SLC17A1: variants seen among roughly 807,000 people sequenced by gnomAD.
SLC17A1 encodes sodium-dependent phosphate transport protein 1.
SLC17A1 carries 51 observed loss-of-function variants against 53.5 expected under a neutral mutation model. The ratio of observed to expected loss-of-function variants is 0.95; its 90% CI spans 0.76 to 1.20. SLC17A1 has a LOEUF of 1.20. SLC17A1 is among the 50% of genes most tolerant of loss of function. The probability of loss-of-function intolerance (pLI) is 0.00; values close to 1 mark genes in which losing one functional copy is unlikely to be tolerated. For missense variants in SLC17A1, 538 were observed against 568.2 expected, an observed-to-expected ratio of 0.95 and a Z score of 0.54; for synonymous variants, 179 against 198.8, an observed-to-expected ratio of 0.90 and a Z score of 0.84.
chr6:25,772,303 A>G, the SLC17A1 span, among the ~76,000 whole-genome samples: 2 of 152,112 alleles, frequency 1.3e-5, no homozygotes, highest in Non-Finnish European at 2.9e-5. Flanking sequence ...TCCAACCCCA[A>G]TGTGCAACAT....
the SLC17A1 span, chr6:25,726,825 A>C: frequency 2.7e-6 from 4 of 1,468,550 alleles, no homozygotes; most frequent in Non-Finnish European, 3.7e-6. Flanking sequence ...GGAGCTGTTT[A>C]ATACTGAAGA....
chr6:25,786,174 G>A (rs1342220266), intron 12 of SLC17A1, among the ~76,000 whole-genome samples: 3 of 152,224 alleles, frequency 2.0e-5, no homozygotes, highest in East Asian at 1.9e-4. Flanking sequence ...TACGTGCTAC[G>A]ACATGAGTGA....
At chr6:25,734,548 C>T in the SLC17A1 span, among the ~76,000 whole-genome samples, 2 of 152,134 alleles carry the variant, frequency 1.3e-5, no homozygotes, top group East Asian at 3.9e-4. Flanking sequence ...CTAAGTGCAG[C>T]ACATTCTCAG....
the SLC17A1 span, chr6:25,727,109 C>T: frequency 6.6e-3 from 10,600 of 1,614,194 alleles, 151 homozygotes; most frequent in African/African-American, 0.043. Context: ...TGAATTCCTT[C>T]GTCACTGATA....
the SLC17A1 span, among the ~76,000 whole-genome samples, chr6:25,740,277 C>A: frequency 6.6e-6 from 1 of 152,114 alleles, no homozygotes. Context: ...TCCTAAACCT[C>A]AGTTACTTAG....
At chr6:25,752,384 G>A in the SLC17A1 span, among the ~76,000 whole-genome samples, 2 of 152,286 alleles carry the variant, frequency 1.3e-5, no homozygotes, top group East Asian at 1.9e-4. Context: ...GTATGTCTAG[G>A]AGACTTATCA....
the SLC17A1 span, chr6:25,770,070 C>T: frequency 9.3e-6 from 15 of 1,613,570 alleles, no homozygotes; most frequent in East Asian, 2.2e-5. Context: ...CATCTAGGCC[C>T]CTGCATATGA....
At chr6:25,738,609 T>G in the SLC17A1 span, among the ~76,000 whole-genome samples, 5 of 152,112 alleles carry the variant, frequency 3.3e-5, no homozygotes, top group Non-Finnish European at 7.4e-5. Context: ...GCTGCAGACT[T>G]ACAGAATATA....
At chr6:25,829,843 T>C (rs1348356760) in intron 2 of SLC17A1, among the ~76,000 whole-genome samples, 2 of 152,044 alleles carry the variant, frequency 1.3e-5, no homozygotes, top group African/African-American at 4.8e-5. Context: ...ATTAAATGCA[T>C]AAGGGCAGAA....
At chr6:25,776,101 A>C in the SLC17A1 span, among the ~76,000 whole-genome samples, 1 of 152,156 alleles carries the variant, frequency 6.6e-6, no homozygotes, top group South Asian at 2.1e-4. Context: ...GAGCACCAGT[A>C]ATATTTGTGA....
At chr6:25,726,499 T>TA in the SLC17A1 span, 1 of 1,611,460 alleles carries the variant, frequency 6.2e-7, no homozygotes, top group Non-Finnish European at 8.5e-7. Context: ...GGCGCGTGCT[T>TA]TTCCTCCCTG....
chr6:25,803,252 A>G (rs1269086418), intron 10 of SLC17A1, among the ~76,000 whole-genome samples: 3 of 152,098 alleles, frequency 2.0e-5, no homozygotes, highest in Non-Finnish European at 4.4e-5. Flanking sequence ...GGCATTTTTA[A>G]GATAGGTCTT....
intron 3 of SLC17A1, among the ~76,000 whole-genome samples, chr6:25,821,133 T>G (rs1453373336): frequency 6.6e-6 from 1 of 152,200 alleles, no homozygotes; most frequent in Non-Finnish European, 1.5e-5. Context: ...ACGAAGAGTT[T>G]CCTGAATAAA....
chr6:25,733,886 C>T, the SLC17A1 span, among the ~76,000 whole-genome samples: 2 of 151,630 alleles, frequency 1.3e-5, no homozygotes, highest in Admixed American at 6.6e-5. Context: ...GTGGTACAAT[C>T]TCATTGCAAC....
the SLC17A1 span, among the ~76,000 whole-genome samples, chr6:25,763,778 G>T: frequency 6.6e-6 from 1 of 152,186 alleles, no homozygotes; most frequent in Non-Finnish European, 1.5e-5. Context: ...TTCTCTATCA[G>T]TGTCAGTTAG....
chr6:25,745,427 T>C, the SLC17A1 span, among the ~76,000 whole-genome samples: 1 of 152,194 alleles, frequency 6.6e-6, no homozygotes, highest in Non-Finnish European at 1.5e-5. Context: ...CACATAACTA[T>C]CTACAAACTA....
At chr6:25,807,977 A>G (rs1156935243) in intron 10 of SLC17A1, among the ~76,000 whole-genome samples, 2 of 152,082 alleles carry the variant, frequency 1.3e-5, no homozygotes, top group Non-Finnish European at 2.9e-5. Flanking sequence ...CTCTGGGTAG[A>G]TACCCAGTAG....
downstream of SLC17A1, chr6:25,779,485 C>A: frequency 3.6e-6 from 1 of 276,968 alleles, no homozygotes; most frequent in Non-Finnish European, 6.7e-6. Flanking sequence ...AAAGAGGAAG[C>A]CAGACCTTGG....
chr6:25,800,206 T>C (rs1299947879), intron 11 of SLC17A1, among the ~76,000 whole-genome samples: 1 of 151,976 alleles, frequency 6.6e-6, no homozygotes, highest in Non-Finnish European at 1.5e-5. Context: ...TTTGAGTGGC[T>C]TTAGGATGTT....
Sources: gnomAD v4.1 joint callset for allele counts (sites outside exome capture counted in the v4.1 genomes callset) on GRCh38, gnomAD v4.1.1 for gene constraint, MANE v1.5 for transcripts, NCBI Gene and HGNC (gene_info 2026-07-23, HGNC 2026-07-21) for gene names.